The following PPM1B variants were observed in gnomAD, a reference collection of about 807,000 sequenced individuals.
The protein encoded by PPM1B is protein phosphatase, Mg2+/Mn2+ dependent 1B, also known as protein phosphatase 1B.
In PPM1B, 22 loss-of-function variants were observed where a neutral mutation model predicts 43.0. The observed-to-expected ratio is 0.51, with a 90% CI of 0.37 to 0.73. PPM1B has a LOEUF of 0.73. Among genes scored for constraint, PPM1B ranks in the 30% least tolerant of loss-of-function variants. The pLI is 0.00. For synonymous variants in PPM1B, 217 were observed against 197.9 expected (o/e 1.10, Z -0.81); for missense variants, 632 against 584.2 (o/e 1.08, Z -0.84).
downstream of PPM1B, among the ~76,000 whole-genome samples, chr2:44,239,332 A>T (rs1207036244): frequency 6.6e-6 from 1 of 151,694 alleles, no homozygotes; most frequent in East Asian, 1.9e-4. Context: ...CCACTTGTCC[A>T]TTTTTCCATT....
intron 1 of PPM1B, among the ~76,000 whole-genome samples, chr2:44,185,740 A>G (rs1558394596): frequency 6.6e-6 from 1 of 152,202 alleles, no homozygotes; most frequent in African/African-American, 2.4e-5. Context: ...TGACTAGCCT[A>G]TTTTTATCAG....
At chr2:44,202,865 G>A (rs1014399325) in intron 2 of PPM1B, among the ~76,000 whole-genome samples, 2 of 152,106 alleles carry the variant, frequency 1.3e-5, no homozygotes, top group Admixed American at 6.5e-5. Flanking sequence ...TTTCAAGTGG[G>A]TTTTTGACAG....
downstream of PPM1B, among the ~76,000 whole-genome samples, chr2:44,245,494 A>T (rs1012292746): frequency 1.3e-4 from 20 of 152,344 alleles, no homozygotes; most frequent in African/African-American, 4.8e-4. Flanking sequence ...CACAAAAAAC[A>T]CTAAGCCTTG....
chr2:44,205,354 G>GGTGT (rs3074507), intron 2 of PPM1B, among the ~76,000 whole-genome samples: 16 of 91,822 alleles, frequency 1.7e-4, no homozygotes, highest in African/African-American at 4.1e-4. Flanking sequence ...TGTGGGTGTG[G>GGTGT]GTGTGTGTGT....
chr2:44,227,537 A>C (rs1179306109), intron 5 of PPM1B, among the ~76,000 whole-genome samples: 5 of 122,256 alleles, frequency 4.1e-5, no homozygotes, highest in Non-Finnish European at 7.0e-5. Context: ...TTTTTTTTGG[A>C]GATGGAGTCT....
At chr2:44,181,251 G>A (rs1558390729) in intron 1 of PPM1B, among the ~76,000 whole-genome samples, 1 of 152,066 alleles carries the variant, frequency 6.6e-6, no homozygotes, top group Non-Finnish European at 1.5e-5. Flanking sequence ...ACCCAGCCTA[G>A]GAAATATTAT....
At chr2:44,209,903 AGAC>A (rs373931196) in intron 3 of PPM1B, among the ~76,000 whole-genome samples, 16 of 152,338 alleles carry the variant, frequency 1.1e-4, no homozygotes, top group African/African-American at 3.6e-4. Context: ...GACAGGGAGA[AGAC>A]AAATATGTCT....
chr2:44,236,425 A>AAAG (rs1670615636), downstream of PPM1B, among the ~76,000 whole-genome samples: 1 of 146,380 alleles, frequency 6.8e-6, no homozygotes, highest in Non-Finnish European at 1.5e-5. Context: ...AAAAAAAAAA[A>AAAG]AAGTTGTAAT....
At chr2:44,183,273 C>T (rs1369464680) in intron 1 of PPM1B, among the ~76,000 whole-genome samples, 3 of 152,326 alleles carry the variant, frequency 2.0e-5, no homozygotes, top group East Asian at 3.9e-4. Context: ...GTCCCATGTG[C>T]ATGTTCTTAA....
At chr2:44,223,873 T>TATG (rs1670092650) in intron 5 of PPM1B, among the ~76,000 whole-genome samples, 1 of 146,078 alleles carries the variant, frequency 6.8e-6, no homozygotes, top group Non-Finnish European at 1.5e-5. Context: ...GCACTAACAT[T>TATG]AGTCACTATG....
chr2:44,191,747 T>A lies in PPM1B; in HGVS notation c.-14-9439T>A, dbSNP rs1179378740. ...CAATTCTCCAGGAAATTATATGCAT[T>A]TTTATTCTACCAAATATCACTCTGG... is the stretch of plus-strand genomic sequence containing the variant. On this transcript the variant is annotated intron_variant, in intron 1 of 5. Transcript: ENST00000282412. Among the ~76,000 whole-genome samples, 3 of 152,204 alleles carry A rather than the reference T, an allele frequency of 2.0e-5. No homozygotes were observed. In the East Asian group the frequency reaches 5.8e-4, roughly 29 times the overall value.
intron 2 of PPM1B, among the ~76,000 whole-genome samples, chr2:44,203,203 C>T (rs192256888): frequency 6.3e-4 from 96 of 152,236 alleles, no homozygotes; most frequent in East Asian, 3.9e-4. Context: ...CCGTTCTTGT[C>T]AGTGGACAGC....
At chr2:44,180,420 G>A (rs1667819140) in intron 1 of PPM1B, among the ~76,000 whole-genome samples, 1 of 152,178 alleles carries the variant, frequency 6.6e-6, no homozygotes, top group South Asian at 2.1e-4. Context: ...AATTGGCTAG[G>A]TGATTTAAAT....
chr2:44,181,695 G>T (rs1229014518), intron 1 of PPM1B, among the ~76,000 whole-genome samples: 1 of 152,160 alleles, frequency 6.6e-6, no homozygotes, highest in Non-Finnish European at 1.5e-5. Context: ...AATACAAATA[G>T]GTGGGTAGGC....
chr2:44,225,815 C>T (rs960844088), intron 5 of PPM1B, among the ~76,000 whole-genome samples: 1 of 151,982 alleles, frequency 6.6e-6, no homozygotes, highest in African/African-American at 2.4e-5. Flanking sequence ...CACCACCACG[C>T]CTGGCTAATT....
chr2:44,215,401 T>C (rs576938990), intron 3 of PPM1B, among the ~76,000 whole-genome samples: 4 of 151,926 alleles, frequency 2.6e-5, no homozygotes, highest in African/African-American at 9.7e-5. Flanking sequence ...GGTGTTACAG[T>C]GAGCTATGAT....
intron 1 of PPM1B, among the ~76,000 whole-genome samples, chr2:44,191,824 T>C (rs182178339): frequency 5.9e-5 from 9 of 152,306 alleles, no homozygotes; most frequent in Admixed American, 1.3e-4. Flanking sequence ...ACTTATTTTT[T>C]CCCCTTTTTT....
At chr2:44,246,397 T>C (rs1670854160), downstream of PPM1B, among the ~76,000 whole-genome samples, 2 of 152,216 alleles carry the variant, frequency 1.3e-5, no homozygotes, top group African/African-American at 4.8e-5. Context: ...GAGTTGGTTG[T>C]GGATTTATCT....
intron 1 of PPM1B, among the ~76,000 whole-genome samples, chr2:44,199,314 A>T (rs1439820956): frequency 1.4e-4 from 14 of 98,366 alleles, no homozygotes; most frequent in East Asian, 1.1e-3. Context: ...AAAAAAAAAA[A>T]AAATAAAAAT....
Sources: allele counts gnomAD v4.1 joint callset (sites outside exome capture counted in the v4.1 genomes callset), GRCh38; gene constraint gnomAD v4.1.1; transcripts MANE v1.5; gene names NCBI Gene and HGNC (gene_info 2026-07-23, HGNC 2026-07-21).